Variants in NTM observed in about 807,000 individuals in gnomAD.
NTM encodes the protein neurotrimin.
In NTM, 13 loss-of-function variants were observed where a neutral mutation model predicts 42.1. That is an observed-to-expected ratio of 0.31 (90% CI 0.20 to 0.49). The LOEUF (loss-of-function observed/expected upper bound fraction) is 0.49. Ranked by LOEUF, NTM falls within the 20% of genes least tolerant of loss-of-function variation. The pLI, the probability that NTM is intolerant of heterozygous loss-of-function variation, is 0.99. For synonymous variants in NTM, 187 were observed against 179.2 expected (o/e 1.04, Z -0.35); for missense variants, 373 against 452.8 (o/e 0.82, Z 1.60).
chr11:132,173,229 T>C (rs951772976), intron 3 of NTM, among the ~76,000 whole-genome samples: 9 of 152,358 alleles, frequency 5.9e-5, no homozygotes, highest in African/African-American at 2.2e-4. Context: ...TTCCAGGGGC[T>C]GGCTATGTCC....
chr11:131,773,632 A>T (rs1036835512), intron 1 of NTM, among the ~76,000 whole-genome samples: 37 of 152,234 alleles, frequency 2.4e-4, no homozygotes, highest in African/African-American at 8.4e-4. Context: ...CACAGCAAAA[A>T]GTTGAATGGA....
chr11:131,743,318 T>G (rs1206924184), intron 1 of NTM, among the ~76,000 whole-genome samples: 1 of 152,022 alleles, frequency 6.6e-6, no homozygotes, highest in Non-Finnish European at 1.5e-5. Context: ...AAGAAATAAT[T>G]TTGATAGAGA....
intron 1 of NTM, among the ~76,000 whole-genome samples, chr11:131,871,964 G>A (rs545062060): frequency 8.5e-5 from 13 of 152,146 alleles, no homozygotes; most frequent in Admixed American, 7.9e-4. Context: ...TATCTTCAAG[G>A]GATTTCCAAG....
At chr11:131,845,063 T>C (rs578192839) in intron 1 of NTM, among the ~76,000 whole-genome samples, 3 of 152,342 alleles carry the variant, frequency 2.0e-5, no homozygotes, top group South Asian at 4.1e-4. Context: ...ATTTTGACTA[T>C]TAAATAGGAA....
intron 1 of NTM, among the ~76,000 whole-genome samples, chr11:131,878,905 C>T (rs2049025909): frequency 6.6e-6 from 1 of 151,894 alleles, no homozygotes; most frequent in African/African-American, 2.4e-5. Flanking sequence ...CTAAATACTC[C>T]AGTGTTCACC....
intron 2 of NTM, among the ~76,000 whole-genome samples, chr11:132,096,213 C>T (rs943496380): frequency 6.6e-6 from 1 of 152,130 alleles, no homozygotes; most frequent in Non-Finnish European, 1.5e-5. Context: ...GACCAGCGAC[C>T]TTTGATTGCA....
chr11:132,159,049 A>G (rs1172590406), intron 3 of NTM, among the ~76,000 whole-genome samples: 1 of 152,194 alleles, frequency 6.6e-6, no homozygotes, highest in Non-Finnish European at 1.5e-5. Context: ...AAATTAAATT[A>G]GTTGTATTTC....
chr11:131,820,892 G>A (rs1013990518), intron 1 of NTM, among the ~76,000 whole-genome samples: 22 of 152,192 alleles, frequency 1.4e-4, no homozygotes, highest in African/African-American at 5.1e-4. Flanking sequence ...TATTACAAAC[G>A]CGGCCACTAT....
intron 2 of NTM, among the ~76,000 whole-genome samples, chr11:131,938,866 C>T (rs1056900901): frequency 2.0e-5 from 3 of 152,058 alleles, no homozygotes; most frequent in African/African-American, 7.2e-5. Context: ...GACTCAAGCA[C>T]CTGTTGGGTT....
chr11:132,103,086 C>T (rs1028657717), intron 2 of NTM, among the ~76,000 whole-genome samples: 12 of 152,212 alleles, frequency 7.9e-5, no homozygotes, highest in African/African-American at 2.7e-4. Flanking sequence ...TTCATTTCAT[C>T]CCTACCATGC....
At chr11:131,964,021 T>A (rs1593226152) in intron 2 of NTM, among the ~76,000 whole-genome samples, 1 of 152,216 alleles carries the variant, frequency 6.6e-6, no homozygotes, top group African/African-American at 2.4e-5. Flanking sequence ...CTAGTGGAAT[T>A]ACCACACAGG....
chr11:132,246,009 G>A (rs921548270), intron 4 of NTM, among the ~76,000 whole-genome samples: 3 of 152,200 alleles, frequency 2.0e-5, no homozygotes, highest in African/African-American at 7.2e-5. Flanking sequence ...GGGGTTTGAT[G>A]AGAGAGCTGC....
intron 1 of NTM, among the ~76,000 whole-genome samples, chr11:131,665,864 A>G (rs2068955547): frequency 6.6e-6 from 1 of 152,216 alleles, no homozygotes; most frequent in South Asian, 2.1e-4. Flanking sequence ...GTTGATCCCC[A>G]GTTTCCTTAT....
intron 1 of NTM, among the ~76,000 whole-genome samples, chr11:131,609,926 C>A (rs2061335593): frequency 6.6e-6 from 1 of 152,164 alleles, no homozygotes; most frequent in South Asian, 2.1e-4. Flanking sequence ...TTGCTTCTAC[C>A]CCTTCATCTA....
At chr11:131,819,890 C>T (rs896172301) in intron 1 of NTM, among the ~76,000 whole-genome samples, 1 of 152,146 alleles carries the variant, frequency 6.6e-6, no homozygotes, top group Non-Finnish European at 1.5e-5. Flanking sequence ...CTGCTGTGGA[C>T]GTGTGGGCCG....
At chr11:132,212,261 G>T (rs2082980868) in intron 4 of NTM, 114 bp downstream of exon 4, 2 of 774,028 alleles carry the variant, frequency 2.6e-6, no homozygotes, top group Admixed American at 2.4e-5. Context: ...GTTTTTGGTG[G>T]CTTGATGGTA....
At chr11:131,377,258 G>A (rs1942093721) in intron 1 of NTM, among the ~76,000 whole-genome samples, 1 of 152,140 alleles carries the variant, frequency 6.6e-6, no homozygotes, top group African/African-American at 2.4e-5. Flanking sequence ...GGATGCCTTT[G>A]GTGTATATAG....
intron 2 of NTM, among the ~76,000 whole-genome samples, chr11:132,108,471 G>C (rs2062702875): frequency 6.6e-6 from 1 of 152,140 alleles, no homozygotes; most frequent in Non-Finnish European, 1.5e-5. Context: ...TCATAAGTGG[G>C]AGCTAAACTC....
chr11:131,420,041 C>A (rs540397932), intron 1 of NTM, among the ~76,000 whole-genome samples: 2 of 152,148 alleles, frequency 1.3e-5, no homozygotes, highest in Non-Finnish European at 2.9e-5. Context: ...GTAGCAATTG[C>A]TCAATGGCGT....
Sources: allele counts gnomAD v4.1 joint callset (sites outside exome capture counted in the v4.1 genomes callset), GRCh38; gene constraint gnomAD v4.1.1; transcripts MANE v1.5; gene names NCBI Gene and HGNC (gene_info 2026-07-23, HGNC 2026-07-21).